The following KHDRBS3 variants were observed in gnomAD, a reference collection of about 807,000 sequenced individuals.
The protein encoded by KHDRBS3 is KH RNA binding domain containing, signal transduction associated 3, also known as KH domain-containing, RNA-binding, signal transduction-associated protein 3.
In KHDRBS3, 23 loss-of-function variants were observed where a neutral mutation model predicts 45.6. That is an observed-to-expected ratio of 0.50 (90% CI 0.36 to 0.72). The LOEUF (loss-of-function observed/expected upper bound fraction) is 0.72. Ranked by LOEUF, KHDRBS3 falls within the 30% of genes least tolerant of loss-of-function variation. The pLI, the probability that KHDRBS3 is intolerant of heterozygous loss-of-function variation, is 0.00. For synonymous variants in KHDRBS3, 162 were observed against 156.5 expected (o/e 1.04, Z -0.26); for missense variants, 352 against 424.8 (o/e 0.83, Z 1.51).
chr8:135,590,851 G>A (rs939521553), intron 6 of KHDRBS3, among the ~76,000 whole-genome samples: 34 of 152,122 alleles, frequency 2.2e-4, no homozygotes, highest in African/African-American at 7.2e-4. Flanking sequence ...TCTATTCATA[G>A]GAAGTACTTA....
intron 5 of KHDRBS3, among the ~76,000 whole-genome samples, chr8:135,569,138 A>G (rs941720918): frequency 4.6e-5 from 7 of 152,304 alleles, no homozygotes; most frequent in African/African-American, 1.4e-4. Flanking sequence ...GTTTTTATTC[A>G]TAGTTGGTTT....
intron 7 of KHDRBS3, among the ~76,000 whole-genome samples, chr8:135,635,891 A>G (rs1830790917): frequency 6.6e-6 from 1 of 152,220 alleles, no homozygotes; most frequent in Non-Finnish European, 1.5e-5. Flanking sequence ...TGCAATATCA[A>G]AAAAGTCATA....
chr8:135,469,406 G>A (rs957688717), intron 1 of KHDRBS3, among the ~76,000 whole-genome samples: 1 of 151,354 alleles, frequency 6.6e-6, no homozygotes, highest in African/African-American at 2.4e-5. Flanking sequence ...TGCCTCCTCA[G>A]CCTCCCGAGT....
At chr8:135,649,262 T>G (rs1392494159), downstream of KHDRBS3, among the ~76,000 whole-genome samples, 1 of 152,152 alleles carries the variant, frequency 6.6e-6, no homozygotes, top group East Asian at 1.9e-4. Context: ...TTTCAGTGTT[T>G]GTATTTGAGC....
At chr8:135,492,548 A>G (rs959815198) in intron 1 of KHDRBS3, among the ~76,000 whole-genome samples, 1 of 148,320 alleles carries the variant, frequency 6.7e-6, no homozygotes, top group Non-Finnish European at 1.5e-5. Flanking sequence ...CTCTAAAACC[A>G]TTTGTTAAAT....
rs1406712445 is a variant in KHDRBS3, at chr8:135,481,272, A to G, written c.88+23318A>G. 6.8e-5 allele frequency among the ~76,000 whole-genome samples: 3 copies of G among 44,404 alleles called. No individual in the cohort carries two copies. In the Admixed American group the frequency reaches 7.2e-4, roughly 11 times the overall value. The allele number at this position is 44,404 out of a possible 152,430, so 29.1% of individuals were successfully genotyped here. A position where few individuals can be genotyped will look rare whatever the true frequency, so the allele number is the denominator to read the frequency against. ...TATATTTAATGTAAGCCTTCTGTGT[A>G]CTTTTTTTTTTTTTTAATCACAGGT... On this transcript the variant is annotated intron_variant, in intron 1 of 8. Coordinates refer to ENST00000355849, the MANE Select transcript of KHDRBS3 (RefSeq NM_006558.3).
At chr8:135,520,555 G>A (rs1824856284) in intron 1 of KHDRBS3, among the ~76,000 whole-genome samples, 2 of 152,154 alleles carry the variant, frequency 1.3e-5, no homozygotes, top group South Asian at 4.1e-4. Context: ...CACGTAAAGT[G>A]CTTTGTGAGT....
At chr8:135,467,762 G>A (rs1433219210) in intron 1 of KHDRBS3, among the ~76,000 whole-genome samples, 1 of 152,224 alleles carries the variant, frequency 6.6e-6, no homozygotes. Context: ...TTAAGGTGGT[G>A]CCAGTTTTCT....
At chr8:135,625,632 G>A in intron 7 of KHDRBS3, 2 of 882,478 alleles carry the variant, frequency 2.3e-6, no homozygotes, top group Non-Finnish European at 3.8e-6. Context: ...ATCATAATTT[G>A]CATCAAAAAA....
chr8:135,581,211 G>C (rs1298100356), intron 5 of KHDRBS3, among the ~76,000 whole-genome samples: 2 of 152,054 alleles, frequency 1.3e-5, no homozygotes, highest in African/African-American at 4.8e-5. Context: ...CTGTCCTTAT[G>C]TTTTCTCAGG....
intron 1 of KHDRBS3, among the ~76,000 whole-genome samples, chr8:135,516,570 T>TGTGTGTGTG (rs1824615936): frequency 6.7e-6 from 1 of 149,032 alleles, no homozygotes; most frequent in Admixed American, 6.7e-5. Flanking sequence ...GTTTCTTACA[T>TGTGTGTGTG]TGTGTGTGTG....
intron 6 of KHDRBS3, among the ~76,000 whole-genome samples, chr8:135,583,906 T>C (rs1828332361): frequency 6.6e-6 from 1 of 152,090 alleles, no homozygotes; most frequent in African/African-American, 2.4e-5. Flanking sequence ...GACATTTGGG[T>C]TTGCTGCTTG....
chr8:135,652,981 C>T (rs117913044), intron 4 of KHDRBS3, among the ~76,000 whole-genome samples: 3,224 of 152,268 alleles, frequency 0.021, 45 homozygotes, highest in Middle Eastern at 0.062. Context: ...TTAAATTAGT[C>T]ATCCTTTCAT....
At chr8:135,555,400 A>G (rs1287123311) in intron 4 of KHDRBS3, among the ~76,000 whole-genome samples, 1 of 149,870 alleles carries the variant, frequency 6.7e-6, no homozygotes, top group Non-Finnish European at 1.5e-5. Flanking sequence ...GTAGTTCACC[A>G]GGTATCATTA....
intron 1 of KHDRBS3, among the ~76,000 whole-genome samples, chr8:135,471,096 C>T (rs1051112208): frequency 2.0e-5 from 3 of 152,104 alleles, no homozygotes; most frequent in Admixed American, 2.0e-4. Context: ...ATACTAGGCC[C>T]AGAATTGATA....
At chr8:135,625,831 G>C (rs1830332816) in intron 7 of KHDRBS3, 9 of 769,026 alleles carry the variant, frequency 1.2e-5, no homozygotes, top group African/African-American at 3.4e-5. Flanking sequence ...CCAGGGAACA[G>C]CATGTCCATA....
At chr8:135,616,490 A>G (rs1447204597) in intron 7 of KHDRBS3, among the ~76,000 whole-genome samples, 2 of 152,224 alleles carry the variant, frequency 1.3e-5, no homozygotes, top group Non-Finnish European at 2.9e-5. Context: ...TTGAGACTAC[A>G]TGAGATTTAT....
At chr8:135,613,731 G>A (rs796522721) in intron 7 of KHDRBS3, among the ~76,000 whole-genome samples, 8 of 151,766 alleles carry the variant, frequency 5.3e-5, no homozygotes, top group African/African-American at 1.9e-4. Flanking sequence ...GTCAGTGTCA[G>A]TATTTCCTGT....
intron 2 of KHDRBS3, among the ~76,000 whole-genome samples, chr8:135,532,636 CATAAG>C (rs1456581870): frequency 6.6e-6 from 1 of 151,916 alleles, no homozygotes; most frequent in Non-Finnish European, 1.5e-5. Flanking sequence ...ATCTTTATAA[CATAAG>C]ATAGACATTA....
Sources: gnomAD v4.1 joint callset for allele counts (sites outside exome capture counted in the v4.1 genomes callset) on GRCh38, gnomAD v4.1.1 for gene constraint, MANE v1.5 for transcripts, NCBI Gene and HGNC (gene_info 2026-07-23, HGNC 2026-07-21) for gene names.